The following ACACB variants were observed in gnomAD, a reference collection of about 807,000 sequenced individuals.
ACACB encodes acetyl-CoA carboxylase 2.
Under a neutral mutation model 278.8 loss-of-function variants are expected in ACACB, and 209 were observed. That is an observed-to-expected ratio of 0.75 (90% confidence interval 0.67 to 0.84). The LOEUF is 0.84. Ranked by LOEUF, ACACB falls within the 40% of genes least tolerant of loss-of-function variation. The pLI is 0.00. For synonymous variants in ACACB, 1,174 were observed against 1,285.6 expected, an observed-to-expected ratio of 0.91 and a Z score of 1.86; for missense variants, 2,850 against 3,269.0, an observed-to-expected ratio of 0.87 and a Z score of 3.13.
At chr12:109,258,789 T>A (rs2136818730) in intron 46 of ACACB, among the ~76,000 whole-genome samples, 184 bp from the exon 47 acceptor site, 1 of 152,256 alleles carries the variant, frequency 6.6e-6, no homozygotes, top group South Asian at 2.1e-4. Flanking sequence ...TGGGCTGCAA[T>A]GGGAGGGTCA....
intron 3 of ACACB, 67 bp from the exon 4 acceptor site, chr12:109,167,829 G>A (rs2043969963): frequency 1.2e-6 from 2 of 1,610,176 alleles, no homozygotes; most frequent in South Asian, 1.1e-5. Flanking sequence ...GGTGGACTCG[G>A]GGTAGCACGT....
chr12:109,171,841 C>G lies in ACACB; in HGVS notation c.962C>G (p.Pro321Arg), dbSNP rs1300739181. ...ATGGCGGATCATTACGTCCCCGTCC[C>G]AGGAGGGCCCAATAACAACAACTAT... ...IKMADHYVPV[P>R]GGPNNNNYAN... Residue 321 changes from proline (P) to arginine (R), a missense_variant, in exon 5 of 53, where the codon CCA (proline) becomes CGA (arginine). Pro to Arg is a moderately radical substitution (Grantham distance 103). This residue lies in a region of ACACB where 2,265 missense variants were observed against 2,561.3 expected (regional missense o/e 0.88). Transcript: ENST00000338432. 1.4e-5 allele frequency: 23 copies of G among 1,614,112 alleles called. No individual in the cohort carries two copies. In the East Asian group the frequency reaches 5.1e-4, roughly 36 times the overall value.
At chr12:109,112,435 G>A (rs1050371254), upstream of ACACB, among the ~76,000 whole-genome samples, 3 of 151,804 alleles carry the variant, frequency 2.0e-5, no homozygotes, top group African/African-American at 4.8e-5. Context: ...AGGTGTGGGG[G>A]CTCACGCCTG....
At position 109,210,127 on chromosome 12, in the gene ACACB, GTA is replaced by G. The variant is rs758496814; in HGVS notation, c.3249+776_3249+777del. Among the ~76,000 whole-genome samples, 27 of 73,014 alleles carry G rather than the reference GTA, an allele frequency of 3.7e-4. 5 individuals carry two copies. The highest frequency in any genetic ancestry group is 1.4e-3 in the Admixed American group (10 of 7,354). 47.9% of individuals were successfully genotyped at this position (73,014 alleles called of 152,430 possible). A position where few individuals can be genotyped will look rare whatever the true frequency, so the allele number is the denominator to read the frequency against. On this transcript the variant is annotated intron_variant, in intron 21 of 52. Coordinates refer to ENST00000338432, the MANE Select transcript of ACACB (RefSeq NM_001093.4). ...TGTATATGTATATATACACGTACATGTATGTGTGTATATATGTATATATACAC... is the reference window on the plus strand; with the variant it reads ...TGTATATGTATATATACACGTACATGTGTGTGTATATATGTATATATACAC...
chr12:109,265,651 G>A (rs2337857), intron 52 of ACACB, 126 bp downstream of exon 52: 520,821 of 1,204,640 alleles, frequency 0.43, 116,528 homozygotes, highest in Non-Finnish European at 0.46. Flanking sequence ...GGTTGTCCCC[G>A]CCCCCTCCCC....
Position 109,191,921 on chromosome 12 carries a change from C to G in ACACB, c.2370C>G (p.Cys790Trp), listed in dbSNP as rs1406084359. The change falls in exon 15 of 53, where the codon TGC (cysteine) becomes TGG (tryptophan). Residue 790 changes from cysteine to tryptophan, a missense_variant. Cys to Trp is a radical substitution (Grantham distance 215). Coordinates refer to ENST00000338432, the MANE Select transcript of ACACB (RefSeq NM_001093.4). ...LNVADAMFRT[C>W]MTDFLHSLER... ...TGGCCGATGCGATGTTCAGAACGTG[C>G]ATGACAGATTTCTTACACTCCCTGG... 6.2e-7 allele frequency: 1 copy of G among 1,614,072 alleles called. No homozygotes were observed. Among genetic ancestry groups the G allele is most frequent in the Non-Finnish European group, 8.5e-7 (1 of 1,180,046 alleles).
chr12:109,220,144 G>A (rs2046118508), intron 24 of ACACB, among the ~76,000 whole-genome samples: 1 of 152,166 alleles, frequency 6.6e-6, no homozygotes, highest in African/African-American at 2.4e-5. Context: ...AAGGGAAGAT[G>A]GGTGGAGCAG....
In ACACB at chr12:109,241,242, C is replaced by T; in HGVS notation, c.4983C>T (p.Ile1661=). 1 of 1,614,224 alleles carries T rather than the reference C, an allele frequency of 6.2e-7. No homozygotes were observed. The part of the protein sequence containing the change: ...ITNESGYYLD[I]SLYKEVTDSR... ...ATGAGTCGGGCTACTACCTGGACAT[C>T]AGCCTCTACAAAGAAGTGACTGACT... Residue 1661 remains isoleucine (I), a synonymous_variant, in exon 36 of 53, where the codon ATC becomes ATT. Transcript: ENST00000338432.
intron 33 of ACACB, chr12:109,235,960 C>G (rs2046621478): frequency 3.4e-6 from 1 of 296,382 alleles, no homozygotes; most frequent in East Asian, 7.0e-5. Context: ...GGTGATTCCA[C>G]TGCACTCTAG....
At chr12:109,247,846 C>A (rs2046990898) in intron 40 of ACACB, 143 bp downstream of exon 40, 1 of 650,606 alleles carries the variant, frequency 1.5e-6, no homozygotes, top group East Asian at 2.8e-5. Flanking sequence ...GGCACTGATG[C>A]CTTAAACATT....
chr12:109,204,541 C>T (rs914869564), intron 19 of ACACB, among the ~76,000 whole-genome samples: 27 of 151,916 alleles, frequency 1.8e-4, no homozygotes, highest in African/African-American at 6.3e-4. Context: ...TCCCAAAGTG[C>T]TGGGATTACA....
At chr12:109,117,786 T>C (rs1352926714) in intron 1 of ACACB, among the ~76,000 whole-genome samples, 2 of 152,218 alleles carry the variant, frequency 1.3e-5, no homozygotes, top group Non-Finnish European at 2.9e-5. Context: ...GGTGAAGATA[T>C]TATTATTATC....
At chr12:109,125,066 G>C (rs2042645374) in intron 1 of ACACB, among the ~76,000 whole-genome samples, 1 of 152,088 alleles carries the variant, frequency 6.6e-6, no homozygotes, top group Non-Finnish European at 1.5e-5. Context: ...TGCTTACCCT[G>C]AAATACAGTC....
chr12:109,233,132 A>AT (rs2046524498), intron 29 of ACACB, among the ~76,000 whole-genome samples: 1 of 152,144 alleles, frequency 6.6e-6, no homozygotes, highest in Non-Finnish European at 1.5e-5. Context: ...ACCTCTCCAT[A>AT]CCTTCGTTTT....
intron 38 of ACACB, 144 bp from the exon 39 acceptor site, chr12:109,246,035 A>G: frequency 9.8e-7 from 1 of 1,021,028 alleles, no homozygotes; most frequent in Non-Finnish European, 1.4e-6. Context: ...GGCTGCAATG[A>G]GCTGTGATTG....
intron 48 of ACACB, among the ~76,000 whole-genome samples, chr12:109,261,873 AAAAAAAC>A (rs2047387357): frequency 6.6e-6 from 1 of 151,562 alleles, no homozygotes; most frequent in African/African-American, 2.4e-5. Flanking sequence ...CCTGTCTAAA[AAAAAAAC>A]AAAAAAAAAA....
intron 20 of ACACB, among the ~76,000 whole-genome samples, chr12:109,207,104 C>A (rs1337510036): frequency 6.6e-6 from 1 of 152,124 alleles, no homozygotes; most frequent in Non-Finnish European, 1.5e-5. Flanking sequence ...TATAGGTGCA[C>A]CCCACCACGC....
intron 6 of ACACB, 67 bp downstream of exon 6, chr12:109,172,423 C>T: frequency 1.4e-6 from 2 of 1,424,214 alleles, no homozygotes; most frequent in Non-Finnish European, 2.0e-6. Flanking sequence ...TGGGTCTGAC[C>T]CTCTTTCTCC....
At chr12:109,255,222 G>T (rs1042833172) in intron 44 of ACACB, among the ~76,000 whole-genome samples, 7 of 152,144 alleles carry the variant, frequency 4.6e-5, no homozygotes, top group Admixed American at 4.6e-4. Flanking sequence ...TATTATTTCA[G>T]TCTGAGCAAC....
Sources: allele counts gnomAD v4.1 joint callset (sites outside exome capture counted in the v4.1 genomes callset), GRCh38; gene constraint gnomAD v4.1.1; regional missense constraint gnomAD v4.1.1; transcripts MANE v1.5; gene names NCBI Gene and HGNC (gene_info 2026-07-23, HGNC 2026-07-21).